The following ACO2 variants were observed in gnomAD, a reference collection of about 807,000 sequenced individuals.
The protein encoded by ACO2 is aconitase 2.
A neutral mutation model predicts 84.5 loss-of-function variants in ACO2; 31 were observed. The ratio of observed to expected loss-of-function variants is 0.37; its 90% CI spans 0.28 to 0.50. ACO2 has a LOEUF of 0.50. Among genes scored for constraint, ACO2 ranks in the 20% least tolerant of loss-of-function variants. ACO2 has a pLI of 0.97. For missense variants in ACO2, 685 were observed against 1,029.3 expected, an observed-to-expected ratio of 0.67 and a Z score of 4.58; for synonymous variants, 414 against 412.7, an observed-to-expected ratio of 1.00 and a Z score of -0.04.
chr22:41,480,615 C>G (rs371001498), intron 1 of ACO2, among the ~76,000 whole-genome samples: 1 of 152,122 alleles, frequency 6.6e-6, no homozygotes, highest in Non-Finnish European at 1.5e-5. Context: ...TAGCAGCTTA[C>G]GTTTATTGAA....
At chr22:41,519,079 G>A (rs548968415) in intron 8 of ACO2, among the ~76,000 whole-genome samples, 2 of 152,220 alleles carry the variant, frequency 1.3e-5, no homozygotes, top group Non-Finnish European at 2.9e-5. Context: ...AGCAGAGGTA[G>A]CTCTGGCTGC....
chr22:41,498,098 C>T (rs556383560), intron 1 of ACO2, among the ~76,000 whole-genome samples: 14 of 152,038 alleles, frequency 9.2e-5, no homozygotes, highest in South Asian at 2.1e-4. Context: ...GAGCTGAGAT[C>T]GCTCCACTGC....
At chr22:41,516,172 G>A (rs1217782909) in intron 6 of ACO2, 2 of 617,386 alleles carry the variant, frequency 3.2e-6, no homozygotes, top group Non-Finnish European at 5.7e-6. Flanking sequence ...GGCCACACAC[G>A]GTTAGGAGCC....
rs191577388 is a variant in ACO2, at chr22:41,477,216, C to G, written c.36+8034C>G. Among the ~76,000 whole-genome samples, 4 of 151,332 alleles carry G rather than the reference C, an allele frequency of 2.6e-5. No individual in the cohort carries two copies. In the East Asian group the frequency reaches 7.8e-4, roughly 30 times the overall value. On this transcript the variant is annotated intron_variant, in intron 1 of 17. Coordinates refer to ENST00000216254, the MANE Select transcript of ACO2 (RefSeq NM_001098.3). ...TCTCCCAGGCTGGAGTGCAGTGGCG[C>G]GATCTCCACTCAGTTCAAGCTCCGC...
chr22:41,484,900 G>A, intron 1 of ACO2, among the ~76,000 whole-genome samples: 1 of 140,394 alleles, frequency 7.1e-6, no homozygotes, highest in East Asian at 2.1e-4. Context: ...TTGAGATGGA[G>A]TTTCACTCTT....
intron 11 of ACO2, among the ~76,000 whole-genome samples, chr22:41,523,564 A>C (rs1555889856): frequency 6.6e-6 from 1 of 152,110 alleles, no homozygotes; most frequent in Non-Finnish European, 1.5e-5. Context: ...GTTTGGGAGG[A>C]GGCAGTGCCC....
At chr22:41,508,195 T>G (rs2066408536) in intron 3 of ACO2, 146 bp downstream of exon 3, 1 of 1,116,248 alleles carries the variant, frequency 9.0e-7, no homozygotes, top group Non-Finnish European at 1.3e-6. Context: ...TTTTACTTGT[T>G]TCTCTTTCTA....
At chr22:41,525,677 C>T in intron 14 of ACO2, 1 of 326,060 alleles carries the variant, frequency 3.1e-6, no homozygotes, top group Non-Finnish European at 5.8e-6. Context: ...TGTGATTGCA[C>T]AGCAGGCTCC....
chr22:41,526,385 G>A lies in ACO2; in HGVS notation c.1885G>A (p.Ala629Thr), dbSNP rs774364288. The change falls in exon 15 of 18, where the codon GCC (alanine) becomes ACC (threonine). Residue 629 changes from alanine to threonine, a missense_variant. Ala to Thr is a moderately conservative substitution (Grantham distance 58). Around this residue, in one of 5 missense-constraint regions of ACO2, gnomAD observed 174 missense variants for 236.6 expected, o/e 0.74. Coordinates refer to ENST00000216254, the MANE Select transcript of ACO2 (RefSeq NM_001098.3). ...IGAINIENGK[A>T]NSVRNAVTQE... is the part of the protein sequence containing the mutation. The stretch of plus-strand genomic sequence containing the variant: ...TGCCATCAACATTGAAAACGGCAAG[G>A]CCAACTCCGTGCGCAATGCCGTCAC... 4 of 1,613,706 alleles carry A rather than the reference G, an allele frequency of 2.5e-6. No homozygotes were observed. The African/African-American group carries it at 4.0e-5, about 16-fold the overall frequency.
At chr22:41,501,947 T>G (rs1251584179) in intron 2 of ACO2, among the ~76,000 whole-genome samples, 1 of 152,208 alleles carries the variant, frequency 6.6e-6, no homozygotes, top group Admixed American at 6.5e-5. Context: ...CAGTCTGGCC[T>G]GGGTACTTGA....
Position 41,528,791 on chromosome 22 carries a change from CT to C in ACO2, c.*183del. ...TGTGGTGGGGGGGTTCTTAAAATAA[CT>C]TTTTAGCCCCCGTCTTCCTATTTTG... is the stretch of plus-strand genomic sequence containing the variant. On this transcript the variant is annotated 3_prime_UTR_variant, in exon 18 of 18. Transcript: ENST00000216254. 2.4e-6 allele frequency: 2 copies of C among 831,266 alleles called. No individual in the cohort carries two copies. The highest frequency in any genetic ancestry group is 3.6e-6 in the Non-Finnish European group (2 of 556,572). The allele number at this position is 831,266 out of a possible 1,614,324, so 51.5% of individuals were successfully genotyped here.
intron 1 of ACO2, among the ~76,000 whole-genome samples, chr22:41,490,158 A>G (rs1340159383): frequency 6.6e-6 from 1 of 152,188 alleles, no homozygotes; most frequent in South Asian, 2.1e-4. Flanking sequence ...CCCTGTCTTT[A>G]CTAAAAATAC....
intron 8 of ACO2, among the ~76,000 whole-genome samples, chr22:41,519,295 T>G (rs375440643): frequency 8.3e-4 from 127 of 152,334 alleles, no homozygotes; most frequent in African/African-American, 3.0e-3. Flanking sequence ...ACACCTCGGC[T>G]CTGCCACTTA....
chr22:41,523,165 C>T (rs971427336), intron 10 of ACO2, 40 bp from the exon 11 acceptor site: 4 of 1,585,372 alleles, frequency 2.5e-6, no homozygotes, highest in Admixed American at 1.7e-5. Flanking sequence ...ATCAGACTCT[C>T]ACCCACCCTT....
chr22:41,485,018 G>A (rs1310953569), intron 1 of ACO2, among the ~76,000 whole-genome samples: 2 of 151,520 alleles, frequency 1.3e-5, no homozygotes, highest in Non-Finnish European at 2.9e-5. Flanking sequence ...GGGATTATAG[G>A]CGTGTGCGAC....
intron 2 of ACO2, among the ~76,000 whole-genome samples, chr22:41,502,408 C>A (rs779578953): frequency 9.9e-5 from 15 of 152,168 alleles, no homozygotes; most frequent in Non-Finnish European, 1.9e-4. Context: ...AGCACTGGCC[C>A]GTTCCCCAGC....
intron 1 of ACO2, among the ~76,000 whole-genome samples, chr22:41,483,178 C>T (rs1321203649): frequency 6.6e-6 from 1 of 152,222 alleles, no homozygotes; most frequent in Non-Finnish European, 1.5e-5. Flanking sequence ...GAGGATTTTA[C>T]AAGGCCTGAG....
chr22:41,494,691 G>A (rs138814300), intron 1 of ACO2, among the ~76,000 whole-genome samples: 6,278 of 151,858 alleles, frequency 0.041, 412 homozygotes, highest in African/African-American at 0.14. Context: ...GATTACAGGC[G>A]TGAGCCACTG....
rs141582694 is a variant in ACO2, at chr22:41,485,165, C to T, written c.37-14561C>T. 6.2e-3 allele frequency among the ~76,000 whole-genome samples: 949 copies of T among 152,240 alleles called. 16 individuals carry two copies. Among genetic ancestry groups the T allele is most frequent in the African/African-American group, 0.022 (902 of 41,520 alleles). On this transcript the variant is annotated intron_variant, in intron 1 of 17. Coordinates refer to ENST00000216254, the MANE Select transcript of ACO2 (RefSeq NM_001098.3). ...GTGCTGGGATCCGTGAGCCACTGCT[C>T]CTGGTCAGGTTAAGTTATCTTCACT...
Sources: allele counts gnomAD v4.1 joint callset (sites outside exome capture counted in the v4.1 genomes callset), GRCh38; gene constraint gnomAD v4.1.1; regional missense constraint gnomAD v4.1.1; transcripts MANE v1.5; gene names NCBI Gene and HGNC (gene_info 2026-07-23, HGNC 2026-07-21).